GALNT17: variants seen among roughly 807,000 people sequenced by gnomAD.
GALNT17 encodes the protein polypeptide N-acetylgalactosaminyltransferase 17, also known as UDP-GalNAc:polypeptide N-acetylgalactosaminyltransferase-like 3.
In GALNT17, 29 loss-of-function variants were observed where a neutral mutation model predicts 63.7. The ratio of observed to expected loss-of-function variants is 0.46; its 90% CI spans 0.34 to 0.62. GALNT17 has a LOEUF of 0.62. Ranked by LOEUF, GALNT17 falls within the 20% of genes least tolerant of loss-of-function variation. The pLI, the probability that GALNT17 is intolerant of heterozygous loss-of-function variation, is 0.01. For synonymous variants in GALNT17, 305 were observed against 318.3 expected (o/e 0.96, Z 0.45); for missense variants, 603 against 799.6 (o/e 0.75, Z 2.97).
chr7:71,165,159 A>G (rs546301549), intron 1 of GALNT17, among the ~76,000 whole-genome samples: 1 of 152,356 alleles, frequency 6.6e-6, no homozygotes, highest in East Asian at 1.9e-4. Flanking sequence ...ATAGCTCAAA[A>G]TAACAGAAAG....
intron 10 of GALNT17, 47 bp downstream of exon 10, chr7:71,710,975 G>T: frequency 1.3e-6 from 2 of 1,596,066 alleles, no homozygotes; most frequent in Non-Finnish European, 8.5e-7. Flanking sequence ...GCTGCAAGAG[G>T]CTGCAGACCA....
intron 6 of GALNT17, among the ~76,000 whole-genome samples, chr7:71,592,384 A>G (rs941675008): frequency 3.9e-5 from 6 of 151,958 alleles, no homozygotes; most frequent in Non-Finnish European, 7.4e-5. Flanking sequence ...AATCCCAGCT[A>G]TGCGGGAGGC....
At chr7:71,163,880 A>G (rs904298925) in intron 1 of GALNT17, among the ~76,000 whole-genome samples, 1 of 152,194 alleles carries the variant, frequency 6.6e-6, no homozygotes, top group Non-Finnish European at 1.5e-5. Flanking sequence ...ACATTTTAGA[A>G]TCTCATCTTT....
intron 1 of GALNT17, among the ~76,000 whole-genome samples, chr7:71,200,312 T>C (rs1202646): frequency 0.33 from 50,828 of 152,042 alleles, 10,324 homozygotes; most frequent in African/African-American, 0.57. Flanking sequence ...GAGCATCTGC[T>C]CTGGGTCAGC....
intron 1 of GALNT17, among the ~76,000 whole-genome samples, chr7:71,279,325 C>T (rs1450443123): frequency 1.3e-5 from 2 of 152,064 alleles, no homozygotes; most frequent in African/African-American, 4.8e-5. Flanking sequence ...AGCATCAGAT[C>T]TTGTGAGAAC....
In GALNT17 at chr7:71,710,938, G is replaced by T; in HGVS notation, c.1668+10G>T. The T allele has an allele frequency of 6.2e-7, 1 of 1,612,672 alleles. No homozygotes were observed. Among genetic ancestry groups the T allele is most frequent in the Non-Finnish European group, 8.5e-7 (1 of 1,179,714 alleles). ...CTGGAACTTCATCCAGGTGAGTGCT[G>T]TATGGACAGAGCCAGCACCCAGAGT... On this transcript the variant is annotated intron_variant, in intron 10 of 10. Transcript: ENST00000333538.
At chr7:71,148,854 GTATT>G (rs1157399228) in intron 1 of GALNT17, among the ~76,000 whole-genome samples, 8 of 94,046 alleles carry the variant, frequency 8.5e-5, no homozygotes, top group Admixed American at 4.9e-4. Context: ...TAGTATTATG[GTATT>G]TTTATATATA....
At chr7:71,374,573 G>A (rs965404214) in intron 2 of GALNT17, among the ~76,000 whole-genome samples, 1 of 152,218 alleles carries the variant, frequency 6.6e-6, no homozygotes, top group African/African-American at 2.4e-5. Context: ...CCGAGGGGTA[G>A]AGAAAACAGA....
At chr7:71,176,683 A>T (rs10268304) in intron 1 of GALNT17, among the ~76,000 whole-genome samples, 1 of 151,934 alleles carries the variant, frequency 6.6e-6, no homozygotes. Context: ...AGGGTTTGCT[A>T]GCCTCCCTGG....
chr7:71,228,233 G>A (rs1265239135), intron 1 of GALNT17, among the ~76,000 whole-genome samples: 12 of 152,208 alleles, frequency 7.9e-5, no homozygotes, highest in African/African-American at 2.6e-4. Flanking sequence ...AGGATGGCTG[G>A]ACTCTGCTAA....
intron 5 of GALNT17, among the ~76,000 whole-genome samples, chr7:71,516,436 A>G (rs1337914894): frequency 6.6e-6 from 1 of 152,170 alleles, no homozygotes; most frequent in African/African-American, 2.4e-5. Flanking sequence ...TCAGCAGTAG[A>G]ACCCCTTAAT....
chr7:71,410,095 G>A (rs1448448502), intron 3 of GALNT17, among the ~76,000 whole-genome samples: 1 of 152,158 alleles, frequency 6.6e-6, no homozygotes, highest in Non-Finnish European at 1.5e-5. Flanking sequence ...AGCAGTTAAA[G>A]GGGACTGTAA....
intron 1 of GALNT17, among the ~76,000 whole-genome samples, chr7:71,269,949 T>G (rs371663387): frequency 6.6e-6 from 1 of 152,190 alleles, no homozygotes; most frequent in Non-Finnish European, 1.5e-5. Flanking sequence ...TCTGAAACGC[T>G]TTGTACTGAT....
intron 5 of GALNT17, among the ~76,000 whole-genome samples, chr7:71,555,028 A>T (rs1054656621): frequency 6.6e-6 from 1 of 152,166 alleles, no homozygotes; most frequent in Non-Finnish European, 1.5e-5. Context: ...TCATAGTGGA[A>T]GGGGAAGGGG....
intron 1 of GALNT17, among the ~76,000 whole-genome samples, chr7:71,137,254 C>A (rs1029068960): frequency 1.8e-4 from 28 of 151,866 alleles, no homozygotes; most frequent in Non-Finnish European, 2.9e-5. Context: ...ATTCTCCTGC[C>A]TCAGCCTCCC....
chr7:71,198,192 T>G (rs931405866), intron 1 of GALNT17, among the ~76,000 whole-genome samples: 1 of 134,386 alleles, frequency 7.4e-6, no homozygotes, highest in African/African-American at 3.0e-5. Flanking sequence ...AGCGAGACTC[T>G]GTCTCAAAAA....
intron 1 of GALNT17, among the ~76,000 whole-genome samples, chr7:71,279,667 ACT>A: frequency 6.6e-6 from 1 of 151,548 alleles, no homozygotes; most frequent in South Asian, 2.1e-4. Context: ...ACCACTGCAA[ACT>A]CTGTTCTGTC....
chr7:71,702,156 G>T (rs1428731379), intron 9 of GALNT17, among the ~76,000 whole-genome samples: 1 of 151,756 alleles, frequency 6.6e-6, no homozygotes, highest in Non-Finnish European at 1.5e-5. Context: ...GAGGGTAAGG[G>T]TTGAAAAGTG....
chr7:71,315,227 A>G (rs1037572239), intron 1 of GALNT17, among the ~76,000 whole-genome samples: 1 of 152,326 alleles, frequency 6.6e-6, no homozygotes, highest in East Asian at 1.9e-4. Context: ...TAGTCAAATC[A>G]TATTCCATTG....
Sources: allele counts gnomAD v4.1 joint callset (sites outside exome capture counted in the v4.1 genomes callset), GRCh38; gene constraint gnomAD v4.1.1; transcripts MANE v1.5; gene names NCBI Gene and HGNC (gene_info 2026-07-23, HGNC 2026-07-21).